The following RELN variants were observed in gnomAD, a reference collection of about 807,000 sequenced individuals.
RELN encodes the protein reelin.
A neutral mutation model predicts 427.6 loss-of-function variants in RELN; 108 were observed. That is an observed-to-expected ratio of 0.25 (90% CI 0.22 to 0.30). RELN has a LOEUF of 0.30. Among genes scored for constraint, RELN ranks in the 10% least tolerant of loss-of-function variants. The pLI, the probability that RELN is intolerant of heterozygous loss-of-function variation, is 1.00. For synonymous variants in RELN, 1,524 were observed against 1,513.4 expected (o/e 1.01, Z -0.16); for missense variants, 3,715 against 4,302.8 (o/e 0.86, Z 3.82).
intron 3 of RELN, among the ~76,000 whole-genome samples, chr7:103,816,765 T>C (rs1163847672): frequency 2.0e-5 from 3 of 152,142 alleles, no homozygotes; most frequent in African/African-American, 2.4e-5. Flanking sequence ...CACCCCATAA[T>C]TGCTCCTTGA....
At chr7:103,550,423 C>T (rs362785) in intron 41 of RELN, among the ~76,000 whole-genome samples, 2 of 152,260 alleles carry the variant, frequency 1.3e-5, no homozygotes, top group African/African-American at 4.8e-5. Flanking sequence ...AGGCAGACTG[C>T]TCTGTTGACT....
At chr7:103,520,991 A>G (rs1829695047) in intron 48 of RELN, among the ~76,000 whole-genome samples, 1 of 66,340 alleles carries the variant, frequency 1.5e-5, no homozygotes, top group Non-Finnish European at 2.6e-5. Context: ...TTTTTTTGAG[A>G]CGGAGTCTCG....
intron 12 of RELN, among the ~76,000 whole-genome samples, chr7:103,658,805 C>G (rs1166157960): frequency 6.8e-6 from 1 of 147,798 alleles, no homozygotes; most frequent in African/African-American, 2.5e-5. Context: ...CCTGGTTGAT[C>G]TCTCTCTCTC....
intron 4 of RELN, among the ~76,000 whole-genome samples, chr7:103,772,897 G>C (rs1791605715): frequency 6.6e-6 from 1 of 152,174 alleles, no homozygotes; most frequent in Non-Finnish European, 1.5e-5. Flanking sequence ...AATTGAGATT[G>C]TGAAGGGTTT....
chr7:103,594,540 T>TC, intron 25 of RELN, 48 bp from the exon 26 acceptor site: 1 of 1,567,232 alleles, frequency 6.4e-7, no homozygotes. Flanking sequence ...AAGCTGTGCT[T>TC]TTTTTTTTTC....
chr7:103,783,677 G>A (rs1791948917), intron 3 of RELN, among the ~76,000 whole-genome samples: 1 of 152,094 alleles, frequency 6.6e-6, no homozygotes, highest in African/African-American at 2.4e-5. Context: ...TGATCAAAGT[G>A]TACTTTTTAT....
At chr7:103,530,904 T>C (rs1226640714) in intron 46 of RELN, among the ~76,000 whole-genome samples, 1 of 152,196 alleles carries the variant, frequency 6.6e-6, no homozygotes, top group Non-Finnish European at 1.5e-5. Context: ...TTCAGTGGTT[T>C]CTTGGGTATA....
At chr7:103,892,036 C>T (rs1005770560) in intron 2 of RELN, among the ~76,000 whole-genome samples, 1 of 152,190 alleles carries the variant, frequency 6.6e-6, no homozygotes, top group African/African-American at 2.4e-5. Flanking sequence ...AGAACTGTAT[C>T]TTTCAACATC....
chr7:103,772,966 G>A (rs1791607118), intron 4 of RELN, among the ~76,000 whole-genome samples: 1 of 152,102 alleles, frequency 6.6e-6, no homozygotes, highest in South Asian at 2.1e-4. Flanking sequence ...TAGCAGTTCT[G>A]TAAAGGCACC....
chr7:103,544,648 A>G (rs1042522227), intron 42 of RELN, among the ~76,000 whole-genome samples: 8 of 152,154 alleles, frequency 5.3e-5, no homozygotes, highest in African/African-American at 1.7e-4. Flanking sequence ...GCTTTTTTCT[A>G]ATCATTACAT....
chr7:103,485,991 C>G (rs1169176135), intron 61 of RELN, among the ~76,000 whole-genome samples: 1 of 151,920 alleles, frequency 6.6e-6, no homozygotes, highest in African/African-American at 2.4e-5. Context: ...TGAAGAAATA[C>G]AAAGCAATTC....
At position 103,538,408 on chromosome 7, in the gene RELN, A is replaced by G. The variant is rs568618927; in HGVS notation, c.7180+670T>C. On this transcript the variant is annotated intron_variant, in intron 45 of 64. Coordinates refer to ENST00000428762, the MANE Select transcript of RELN (RefSeq NM_005045.4). Reference sequence around the variant, plus strand: ...TTCAGGTAGAGAGTCCAAGTGTGCAATGATGCCAGCTTTTATCTCTCCTAC... The same window carrying G: ...TTCAGGTAGAGAGTCCAAGTGTGCAGTGATGCCAGCTTTTATCTCTCCTAC... Among the ~76,000 whole-genome samples, 169 of 152,280 alleles carry G rather than the reference A, an allele frequency of 1.1e-3. 2 individuals carry two copies. In the South Asian group the frequency reaches 0.034, roughly 31 times the overall value.
chr7:103,503,156 A>G lies in RELN; in HGVS notation c.8349T>C (p.Gly2783=). ...GAGGGACCAGATAATTCCAACTCAC[A>G]CCGAAGTCAGTAGAATACTGCACAT... ...QIHVQYSTDF[G]VSWNYLVPQC... is the part of the protein sequence containing the mutation. Residue 2783 remains glycine, a synonymous_variant, in exon 52 of 65, where the codon GGT becomes GGC. Transcript: ENST00000428762. 8 of 1,614,190 alleles carry G rather than the reference A, an allele frequency of 5.0e-6. No individual in the cohort carries two copies. The highest frequency in any genetic ancestry group is 6.8e-6 in the Non-Finnish European group (8 of 1,180,030).
chr7:103,885,774 C>T (rs1472157447), intron 2 of RELN, among the ~76,000 whole-genome samples: 2 of 152,150 alleles, frequency 1.3e-5, no homozygotes, highest in Non-Finnish European at 2.9e-5. Flanking sequence ...ATAGTTCACA[C>T]TCTCATTACC....
At position 103,824,627 on chromosome 7, in the gene RELN, A is replaced by AGAGTGTGTGTGTGT. The variant is rs1279358387; in HGVS notation, c.473+8909_473+8910insACACACACACACTC. On this transcript the variant is annotated intron_variant, in intron 3 of 64. Coordinates refer to ENST00000428762, the MANE Select transcript of RELN (RefSeq NM_005045.4). This position sits in a 1 kb window ranked among gnomAD's most constrained non-coding sequence, Gnocchi z 4.4. ...GTGTTTTCACTTTCTTTCAAAACAG[A>AGAGTGTGTGTGTGT]GTGTGTGTGTGTGTGTGTGTGTGTG... 3.8e-5 allele frequency among the ~76,000 whole-genome samples: 5 copies of AGAGTGTGTGTGTGT among 130,896 alleles called. No homozygotes were observed. The highest frequency in any genetic ancestry group is 1.5e-4 in the African/African-American group (5 of 33,978). The allele number at this position is 130,896 out of a possible 152,430, so 85.9% of individuals were successfully genotyped here.
At chr7:103,816,756 A>T (rs899658600) in intron 3 of RELN, among the ~76,000 whole-genome samples, 2 of 152,104 alleles carry the variant, frequency 1.3e-5, no homozygotes, top group African/African-American at 4.8e-5. Flanking sequence ...TTGAAGATAC[A>T]CCCCATAATT....
chr7:103,701,135 A>T, intron 8 of RELN, 129 bp from the exon 9 acceptor site: 1 of 681,576 alleles, frequency 1.5e-6, no homozygotes, highest in South Asian at 1.6e-5. Context: ...CCATTCTTCT[A>T]ATGATGCTGA....
intron 57 of RELN, among the ~76,000 whole-genome samples, chr7:103,493,934 G>T (rs1828747823): frequency 6.6e-6 from 1 of 152,160 alleles, no homozygotes; most frequent in Non-Finnish European, 1.5e-5. Context: ...TAAAGAAATT[G>T]CCTTGGTTAT....
At chr7:103,846,247 AAC>A (rs375297218) in intron 2 of RELN, among the ~76,000 whole-genome samples, 93 of 152,324 alleles carry the variant, frequency 6.1e-4, no homozygotes, top group African/African-American at 2.2e-3. Flanking sequence ...AGACCAATGG[AAC>A]ACAGCAGAGG....
Sources: allele counts gnomAD v4.1 joint callset (sites outside exome capture counted in the v4.1 genomes callset), GRCh38; gene constraint gnomAD v4.1.1; non-coding constraint Gnocchi (gnomAD v3.1); transcripts MANE v1.5; gene names NCBI Gene and HGNC (gene_info 2026-07-23, HGNC 2026-07-21).